The following ACSL1 variants were observed in gnomAD, a reference collection of about 807,000 sequenced individuals.
The protein encoded by ACSL1 is acyl-CoA synthetase long chain family member 1.
ACSL1 carries 41 observed loss-of-function variants against 98.4 expected under a neutral mutation model. That is an observed-to-expected ratio of 0.42 (90% confidence interval 0.32 to 0.54). The LOEUF is 0.54. Among genes scored for constraint, ACSL1 ranks in the 20% least tolerant of loss-of-function variants. The probability of loss-of-function intolerance (pLI) is 0.13; values close to 1 mark genes in which losing one functional copy is unlikely to be tolerated. For synonymous variants in ACSL1, 316 were observed against 322.7 expected, an observed-to-expected ratio of 0.98 and a Z score of 0.22; for missense variants, 734 against 883.1, an observed-to-expected ratio of 0.83 and a Z score of 2.14.
intron 3 of ACSL1, among the ~76,000 whole-genome samples, chr4:184,785,634 C>G (rs1159391409): frequency 3.2e-5 from 4 of 123,838 alleles, no homozygotes; most frequent in South Asian, 2.7e-4. Flanking sequence ...GGAAGCAAAT[C>G]GAGACCTGCA....
intron 1 of ACSL1, chr4:184,812,358 G>T: frequency 2.6e-6 from 1 of 380,738 alleles, no homozygotes; most frequent in African/African-American, 2.2e-5. Flanking sequence ...CTGTGTCTCT[G>T]CAGCAAGTCC....
intron 7 of ACSL1, 80 bp downstream of exon 7, chr4:184,776,404 A>T: frequency 1.3e-6 from 2 of 1,484,526 alleles, no homozygotes; most frequent in Non-Finnish European, 1.8e-6. Flanking sequence ...CCATAGCACT[A>T]GATAGCACTG....
Position 184,809,438 on chromosome 4 carries a change from A to G in ACSL1, c.-32-5892T>C, listed in dbSNP as rs1771802460. ...TTATAGCAGTTTCTGTATTCATTAA[A>G]CTACATCTCCAGTTAAATCACATGA... is the stretch of plus-strand genomic sequence containing the variant. On this transcript the variant is annotated intron_variant, in intron 1 of 20. Coordinates refer to ENST00000281455, the MANE Select transcript of ACSL1 (RefSeq NM_001995.5). Among the ~76,000 whole-genome samples, 5 of 152,306 alleles carry G rather than the reference A, an allele frequency of 3.3e-5. No homozygotes were observed. In the South Asian group the frequency reaches 1.0e-3, roughly 32 times the overall value.
At chr4:184,783,869 T>C (rs1350968174) in intron 4 of ACSL1, 58 bp downstream of exon 4, 1 of 1,504,974 alleles carries the variant, frequency 6.6e-7, no homozygotes. Flanking sequence ...AGAATGCACA[T>C]ACAGAAGCAC....
chr4:184,758,733 C>T lies in ACSL1; in HGVS notation c.1783-813G>A, dbSNP rs190253026. 389 of 151,918 alleles carry T rather than the reference C, an allele frequency of 2.6e-3. 2 individuals are homozygous for T. The highest frequency in any genetic ancestry group is 9.1e-3 in the African/African-American group (377 of 41,444). 9.4% of individuals were successfully genotyped at this position (151,918 alleles called of 1,614,324 possible). A position where few individuals can be genotyped will look rare whatever the true frequency, so the allele number is the denominator to read the frequency against. ...AGTGCATTCTCTTATAAGAAAATAT[C>T]CTAAAATAATTTTAAAATCTAACAA... On this transcript the variant is annotated intron_variant, in intron 18 of 20. Transcript: ENST00000281455.
Position 184,757,935 on chromosome 4 carries a change from A to G in ACSL1, c.1783-15T>C, listed in dbSNP as rs1444746004. ...ATGAGAAATGCCTTTAACACAGACA[A>G]ATGAGTTATTACATAGCTTGATCCA... On this transcript the variant is annotated splice_polypyrimidine_tract_variant and intron_variant, in intron 18 of 20. Transcript: ENST00000281455. The surrounding 1 kb of genome is among the most constrained non-coding windows in gnomAD (Gnocchi z 4.5). 1 of 1,606,926 alleles carries G rather than the reference A, an allele frequency of 6.2e-7. No individual in the cohort carries two copies. The highest frequency in any genetic ancestry group is 8.5e-7 in the Non-Finnish European group (1 of 1,173,764).
chr4:184,803,531 T>C lies in ACSL1; in HGVS notation c.-17A>G. The C allele has an allele frequency of 6.7e-7, 1 of 1,481,866 alleles. No homozygotes were observed. The highest frequency in any genetic ancestry group is 1.4e-5 in the South Asian group (1 of 72,194). The allele number at this position is 1,481,866 out of a possible 1,614,324, so 91.8% of individuals were successfully genotyped here. A position where few individuals can be genotyped will look rare whatever the true frequency, so the allele number is the denominator to read the frequency against. On this transcript the variant is annotated 5_prime_UTR_variant, in exon 2 of 21. Coordinates refer to ENST00000281455, the MANE Select transcript of ACSL1 (RefSeq NM_001995.5). The surrounding 1 kb of genome is among the most constrained non-coding windows in gnomAD (Gnocchi z 4.8). ...GGCTTGCATTGTCCTGTGTTGATAG[T>C]TCTCTAAGCTGAATTCTGTTGGGAG... is the stretch of plus-strand genomic sequence containing the variant.
intron 1 of ACSL1, among the ~76,000 whole-genome samples, chr4:184,811,270 G>A (rs564447098): frequency 3.0e-4 from 46 of 150,958 alleles, no homozygotes; most frequent in African/African-American, 1.1e-3. Flanking sequence ...CACCACGCCT[G>A]GCTAATTTTT....
intron 2 of ACSL1, among the ~76,000 whole-genome samples, chr4:184,796,694 T>C (rs959526758): frequency 6.6e-6 from 1 of 152,226 alleles, no homozygotes; most frequent in African/African-American, 2.4e-5. Context: ...AACCAGAGCA[T>C]TGGATCAGGA....
At chr4:184,771,871 T>G (rs916494220) in intron 10 of ACSL1, among the ~76,000 whole-genome samples, 2 of 152,202 alleles carry the variant, frequency 1.3e-5, no homozygotes, top group African/African-American at 4.8e-5. Context: ...CTGAGCATGC[T>G]ATAATCTCAG....
At chr4:184,810,990 A>C (rs1165759189) in intron 1 of ACSL1, among the ~76,000 whole-genome samples, 1 of 152,194 alleles carries the variant, frequency 6.6e-6, no homozygotes, top group Non-Finnish European at 1.5e-5. Flanking sequence ...CTGGGTCTGA[A>C]GCCAAAGCCC....
At chr4:184,817,486 C>T (rs780759185) in intron 1 of ACSL1, among the ~76,000 whole-genome samples, 2 of 152,184 alleles carry the variant, frequency 1.3e-5, no homozygotes, top group Non-Finnish European at 2.9e-5. Flanking sequence ...ATGGGGCATA[C>T]ACCCCACTCT....
At chr4:184,762,673 C>T in intron 16 of ACSL1, 150 bp from the exon 17 acceptor site, 1 of 687,032 alleles carries the variant, frequency 1.5e-6, no homozygotes, top group Admixed American at 2.4e-5. Flanking sequence ...AGAGCCCCAC[C>T]AGGGTCTGCG....
chr4:184,785,189 G>C (rs1767006449), intron 3 of ACSL1, among the ~76,000 whole-genome samples: 1 of 152,150 alleles, frequency 6.6e-6, no homozygotes, highest in African/African-American at 2.4e-5. Context: ...TTTACTACCA[G>C]GCTTTTTACA....
chr4:184,826,152 C>T (rs1773480717), upstream of ACSL1: 3 of 148,392 alleles, frequency 2.0e-5, no homozygotes, highest in Admixed American at 2.0e-4. Flanking sequence ...CCCGCCCCGC[C>T]GAGCGCCCGG....
In ACSL1 at chr4:184,780,568, C is replaced by T. The variant is rs1256084283; in HGVS notation, c.376-135G>A. ...AACGGAGAGGGAACATGCAGGTATT[C>T]CTTTATTGATAGATTTTTTGGTAAA... On this transcript the variant is annotated intron_variant, in intron 4 of 20. Coordinates refer to ENST00000281455, the MANE Select transcript of ACSL1 (RefSeq NM_001995.5). 5.2e-6 allele frequency: 3 copies of T among 581,966 alleles called. No individual in the cohort carries two copies. The African/African-American group carries it at 5.6e-5, about 11-fold the overall frequency. 36.1% of individuals were successfully genotyped at this position (581,966 alleles called of 1,614,324 possible).
At chr4:184,785,600 C>CGGGG (rs1174393165) in intron 3 of ACSL1, among the ~76,000 whole-genome samples, 11 of 19,180 alleles carry the variant, frequency 5.7e-4, no homozygotes, top group Admixed American at 1.3e-3. Flanking sequence ...TCCTCCTGGG[C>CGGGG]GGGGGCGGGG....
At chr4:184,787,095 A>C (rs1385760363) in intron 3 of ACSL1, among the ~76,000 whole-genome samples, 2 of 152,368 alleles carry the variant, frequency 1.3e-5, no homozygotes, top group African/African-American at 4.8e-5. Flanking sequence ...TGTAGCTAGC[A>C]GTGGCCCAAA....
At chr4:184,820,663 G>T (rs1226407948) in intron 1 of ACSL1, among the ~76,000 whole-genome samples, 1 of 152,034 alleles carries the variant, frequency 6.6e-6, no homozygotes. Context: ...GGAGTGCTGT[G>T]GCGCAATCTT....
Sources: allele counts gnomAD v4.1 joint callset (sites outside exome capture counted in the v4.1 genomes callset), GRCh38; gene constraint gnomAD v4.1.1; non-coding constraint Gnocchi (gnomAD v3.1); transcripts MANE v1.5; gene names NCBI Gene and HGNC (gene_info 2026-07-23, HGNC 2026-07-21).